VPS41: variants seen among roughly 807,000 people sequenced by gnomAD.
The protein encoded by VPS41 is vacuolar protein sorting-associated protein 41 homolog.
VPS41 carries 85 observed loss-of-function variants against 130.9 expected under a neutral mutation model. The ratio of observed to expected loss-of-function variants is 0.65; its 90% CI spans 0.55 to 0.78. The LOEUF (loss-of-function observed/expected upper bound fraction) is 0.78, where lower values mean the gene tolerates loss of function less well. Among genes scored for constraint, VPS41 ranks in the 30% least tolerant of loss-of-function variants. The probability of loss-of-function intolerance (pLI) is 0.00; values close to 1 mark genes in which losing one functional copy is unlikely to be tolerated. For synonymous variants in VPS41, 335 were observed against 332.9 expected, an observed-to-expected ratio of 1.01 and a Z score of -0.07; for missense variants, 874 against 1,018.7, an observed-to-expected ratio of 0.86 and a Z score of 1.93.
intron 10 of VPS41, among the ~76,000 whole-genome samples, chr7:38,784,549 C>G (rs1023365093): frequency 1.3e-5 from 2 of 151,084 alleles, no homozygotes; most frequent in African/African-American, 2.4e-5. Context: ...GTGGGAGGAT[C>G]GCTTTGGCCC....
At chr7:38,780,129 G>A (rs1299812621) in intron 10 of VPS41, among the ~76,000 whole-genome samples, 1 of 149,924 alleles carries the variant, frequency 6.7e-6, no homozygotes, top group African/African-American at 2.4e-5. Flanking sequence ...CTGCTAGAGA[G>A]GAAATACATG....
chr7:38,855,002 A>G (rs995671365), intron 4 of VPS41, among the ~76,000 whole-genome samples: 1 of 151,966 alleles, frequency 6.6e-6, no homozygotes, highest in Non-Finnish European at 1.5e-5. Context: ...TGAGGTCAAG[A>G]GATCGAGACC....
chr7:38,838,911 A>G (rs1785551410), intron 4 of VPS41, among the ~76,000 whole-genome samples: 1 of 152,202 alleles, frequency 6.6e-6, no homozygotes, highest in African/African-American at 2.4e-5. Context: ...ACTCCTCATC[A>G]TCCCACCTTA....
chr7:38,881,358 C>T (rs1418086972), intron 2 of VPS41, among the ~76,000 whole-genome samples: 1 of 152,202 alleles, frequency 6.6e-6, no homozygotes, highest in African/African-American at 2.4e-5. Flanking sequence ...CTTCCATTTA[C>T]AAAGACCCTT....
At chr7:38,892,020 T>C (rs919711343) in intron 2 of VPS41, among the ~76,000 whole-genome samples, 6 of 151,982 alleles carry the variant, frequency 3.9e-5, no homozygotes, top group Admixed American at 3.9e-4. Context: ...ACAATTAATA[T>C]TATATATAAA....
intron 25 of VPS41, among the ~76,000 whole-genome samples, chr7:38,732,187 T>C (rs74881676): frequency 0.011 from 1,729 of 152,244 alleles, 46 homozygotes; most frequent in African/African-American, 0.039. Flanking sequence ...AACCCTGAGG[T>C]ACACTCTCCT....
Position 38,735,371 on chromosome 7 carries a change from A to G in VPS41, c.2260-6580T>C, listed in dbSNP as rs554004908. Among the ~76,000 whole-genome samples, 8 of 152,348 alleles carry G rather than the reference A, an allele frequency of 5.3e-5. No homozygotes were observed. The East Asian group carries it at 1.4e-3, about 26-fold the overall frequency. Reference sequence around the variant, plus strand: ...CCCATTTGGATTGCAAAATAGAGATATGGGAAATAAAGGACTATGGGGACT... The same window carrying G: ...CCCATTTGGATTGCAAAATAGAGATGTGGGAAATAAAGGACTATGGGGACT... On this transcript the variant is annotated intron_variant, in intron 25 of 28. Coordinates refer to ENST00000310301, the MANE Select transcript of VPS41 (RefSeq NM_014396.4).
chr7:38,763,593 A>G (rs767410106), intron 16 of VPS41, 46 bp from the exon 17 acceptor site: 10 of 1,218,282 alleles, frequency 8.2e-6, no homozygotes, highest in Non-Finnish European at 1.2e-5. Flanking sequence ...ATATGAAAAA[A>G]CAAAACTGCA....
intron 4 of VPS41, among the ~76,000 whole-genome samples, chr7:38,855,079 C>T (rs916591044): frequency 6.6e-6 from 1 of 151,934 alleles, no homozygotes; most frequent in Non-Finnish European, 1.5e-5. Flanking sequence ...CATAGTGGCA[C>T]ATGCCTGTAG....
intron 22 of VPS41, chr7:38,746,000 T>C (rs1795978034): frequency 5.6e-6 from 1 of 177,800 alleles, no homozygotes; most frequent in Non-Finnish European, 1.2e-5. Flanking sequence ...TCCATTAAGA[T>C]GTAAGGAATG....
chr7:38,729,168 G>A (rs1012153398), intron 25 of VPS41, among the ~76,000 whole-genome samples: 7 of 152,138 alleles, frequency 4.6e-5, no homozygotes, highest in Non-Finnish European at 8.8e-5. Flanking sequence ...TACATCATGT[G>A]TTCATTCCAT....
At chr7:38,872,283 T>G (rs1380755132) in intron 2 of VPS41, among the ~76,000 whole-genome samples, 1 of 152,110 alleles carries the variant, frequency 6.6e-6, no homozygotes. Context: ...GAAGCAAGAG[T>G]GATCCAAGAG....
chr7:38,903,096 T>C (rs1787179729), intron 1 of VPS41, among the ~76,000 whole-genome samples: 1 of 152,220 alleles, frequency 6.6e-6, no homozygotes, highest in South Asian at 2.1e-4. Context: ...TCCAGACTCA[T>C]GTCTGAATTA....
intron 7 of VPS41, among the ~76,000 whole-genome samples, chr7:38,802,362 T>G (rs1784746110): frequency 1.3e-5 from 2 of 152,162 alleles, no homozygotes; most frequent in South Asian, 4.1e-4. Context: ...TATTTCTGCC[T>G]TTCCTCTCCA....
At chr7:38,870,690 C>T (rs1293172126) in intron 2 of VPS41, among the ~76,000 whole-genome samples, 2 of 133,264 alleles carry the variant, frequency 1.5e-5, no homozygotes, top group Non-Finnish European at 3.1e-5. Flanking sequence ...AAATGGGTGA[C>T]CTAGACATTG....
chr7:38,771,274 A>G lies in VPS41; in HGVS notation c.1129-20T>C. The G allele has an allele frequency of 1.4e-6, 2 of 1,467,774 alleles. No individual in the cohort carries two copies. Among genetic ancestry groups the G allele is most frequent in the Non-Finnish European group, 1.8e-6 (2 of 1,098,616 alleles). The allele number at this position is 1,467,774 out of a possible 1,614,324, so 90.9% of individuals were successfully genotyped here. On this transcript the variant is annotated intron_variant, in intron 13 of 28. Transcript: ENST00000310301. ...TGCTTCCTTTATTCCAAACATAAGG[A>G]TGATTTAAAAAAAAAAAAAAGCAGA...
At chr7:38,742,209 A>G in intron 24 of VPS41, 88 bp from the exon 25 acceptor site, 1 of 1,290,742 alleles carries the variant, frequency 7.7e-7, no homozygotes, top group Non-Finnish European at 1.1e-6. Flanking sequence ...ATGCAATTTT[A>G]GATCAAAAGT....
At chr7:38,835,638 T>C (rs1785475786) in intron 4 of VPS41, among the ~76,000 whole-genome samples, 1 of 151,938 alleles carries the variant, frequency 6.6e-6, no homozygotes, top group South Asian at 2.1e-4. Context: ...AAATAATTCA[T>C]ATTCTCTATT....
chr7:38,753,535 T>G (rs1783726426), intron 21 of VPS41, among the ~76,000 whole-genome samples: 1 of 152,060 alleles, frequency 6.6e-6, no homozygotes, highest in African/African-American at 2.4e-5. Flanking sequence ...CCCTGTCACA[T>G]GAATGCTGAG....
Sources: gnomAD v4.1 joint callset for allele counts (sites outside exome capture counted in the v4.1 genomes callset) on GRCh38, gnomAD v4.1.1 for gene constraint, MANE v1.5 for transcripts, NCBI Gene and HGNC (gene_info 2026-07-23, HGNC 2026-07-21) for gene names.